FN1: variants seen among roughly 807,000 people sequenced by gnomAD.
FN1 encodes fibronectin 1, also known as fibronectin.
A neutral mutation model predicts 297.3 loss-of-function variants in FN1; 106 were observed. The observed-to-expected ratio is 0.36, with a 90% confidence interval of 0.30 to 0.42. The LOEUF (loss-of-function observed/expected upper bound fraction) is 0.42. Ranked by LOEUF, FN1 falls within the 10% of genes least tolerant of loss-of-function variation. The pLI, the probability that FN1 is intolerant of heterozygous loss-of-function variation, is 1.00. For missense variants in FN1, 2,690 were observed against 3,124.9 expected (o/e 0.86, Z 3.32); for synonymous variants, 1,149 against 1,152.6 (o/e 1.00, Z 0.06).
intron 25 of FN1, 72 bp downstream of exon 25, chr2:215,392,859 A>G (rs2106088770): frequency 6.4e-7 from 1 of 1,550,808 alleles, no homozygotes. Flanking sequence ...AAACATCCAT[A>G]TTTAACCGGA....
intron 8 of FN1, 78 bp downstream of exon 8, chr2:215,424,068 G>A (rs1349142562): frequency 1.4e-6 from 2 of 1,431,204 alleles, no homozygotes; most frequent in Non-Finnish European, 2.0e-6. Flanking sequence ...AAAATAAATG[G>A]CTAGAATGCT....
At position 215,391,742 on chromosome 2, in the gene FN1, G is replaced by T; in HGVS notation, c.4142C>A (p.Pro1381His). Residue 1381 changes from proline (P) to histidine (H), a missense_variant, in exon 26 of 46, where the codon CCC (proline) becomes CAC (histidine). By Grantham distance (77) the Pro-to-His change is moderately conservative. This residue lies in a region of FN1 where 1,743 missense variants were observed against 1,945.2 expected (regional missense o/e 0.90). Transcript: ENST00000354785. Reference protein sequence around the residue: ...PDTMRVTWAPPPSIDLTNFLV... With the variant: ...PDTMRVTWAPHPSIDLTNFLV... ...GAAGTTGGTTAAATCAATGGATGGG[G>T]GTGGAGCCCAGGTGACACGCATGGT... is the stretch of plus-strand genomic sequence containing the variant. 6.2e-7 allele frequency: 1 copy of T among 1,614,126 alleles called. No homozygotes were observed. The highest frequency in any genetic ancestry group is 8.5e-7 in the Non-Finnish European group (1 of 1,179,984).
chr2:215,414,903 G>A lies in FN1; in HGVS notation c.1875C>T (p.Ser625=), dbSNP rs781546361. The A allele has an allele frequency of 6.2e-7, 1 of 1,613,768 alleles. No individual in the cohort carries two copies. Among genetic ancestry groups the A allele is most frequent in the Non-Finnish European group, 8.5e-7 (1 of 1,179,864 alleles). Reference sequence around the variant, plus strand: ...GTGGTGCATTCCACTGGATGGGGTGGGAGTTGGGCTGACTCGGAGTCTCAG... The same window carrying A: ...GTGGTGCATTCCACTGGATGGGGTGAGAGTTGGGCTGACTCGGAGTCTCAG... ...FITETPSQPN[S]HPIQWNAPQP... Residue 625 remains serine (S), a synonymous_variant, in exon 13 of 46, where the codon TCC becomes TCT. Coordinates refer to ENST00000354785, the MANE Select transcript of FN1 (RefSeq NM_212482.4).
At chr2:215,379,902 C>A in intron 33 of FN1, 1 of 154,602 alleles carries the variant, frequency 6.5e-6, no homozygotes. Flanking sequence ...CACTTCATTG[C>A]CCAGGCTGAT....
In FN1 at chr2:215,433,824, G is replaced by A. The variant is rs570121407; in HGVS notation, c.278-363C>T. Among the ~76,000 whole-genome samples, 6 of 152,350 alleles carry A rather than the reference G, an allele frequency of 3.9e-5. No individual in the cohort carries two copies. In the East Asian group the frequency reaches 7.7e-4, roughly 20 times the overall value. Reference sequence around the variant, plus strand: ...TCACATAAAAAGCAAACGATTGGCCGGGCACAGTGGCTCACGCCTGTAATC... The same window carrying A: ...TCACATAAAAAGCAAACGATTGGCCAGGCACAGTGGCTCACGCCTGTAATC... On this transcript the variant is annotated intron_variant, in intron 2 of 45. Transcript: ENST00000354785.
At chr2:215,399,853 A>G (rs1365074655) in intron 20 of FN1, among the ~76,000 whole-genome samples, 1 of 152,170 alleles carries the variant, frequency 6.6e-6, no homozygotes, top group Non-Finnish European at 1.5e-5. Flanking sequence ...TTAACCATTA[A>G]TTTAAGAACA....
chr2:215,414,229 C>T (rs1383886579), intron 13 of FN1, among the ~76,000 whole-genome samples: 2 of 152,102 alleles, frequency 1.3e-5, no homozygotes, highest in African/African-American at 4.8e-5. Flanking sequence ...CAATATCCTC[C>T]TTATTTGGTT....
chr2:215,383,613 G>T (rs1412175873), intron 30 of FN1, 130 bp from the exon 31 acceptor site: 2 of 985,198 alleles, frequency 2.0e-6, no homozygotes, highest in African/African-American at 3.2e-5. Context: ...CTTCTCGAAA[G>T]AATACAGAGA....
Position 215,372,093 on chromosome 2 carries a change from A to G in FN1, c.6530T>C (p.Ile2177Thr). ...TACATCTTCCCTGGGGATGTGACCA[A>G]TTTGGATTTCCTCACCTACATTCGG... Reference protein sequence around the residue: ...YPPNVGEEIQIGHIPREDVDY... With the variant: ...YPPNVGEEIQTGHIPREDVDY... The change falls in exon 40 of 46, where the codon ATT (isoleucine) becomes ACT (threonine). Residue 2177 changes from isoleucine to threonine, a missense_variant. Around this residue, in one of 3 missense-constraint regions of FN1, gnomAD observed 1,743 missense variants for 1,945.2 expected, o/e 0.90. Transcript: ENST00000354785. 6.2e-7 allele frequency: 1 copy of G among 1,614,202 alleles called. No individual in the cohort carries two copies. Among genetic ancestry groups the G allele is most frequent in the Non-Finnish European group, 8.5e-7 (1 of 1,180,018 alleles).
intron 31 of FN1, 82 bp downstream of exon 31, chr2:215,383,246 G>T: frequency 7.3e-7 from 1 of 1,376,596 alleles, no homozygotes; most frequent in South Asian, 1.2e-5. Context: ...AACCTCAAGT[G>T]ATCTGCCCGC....
intron 15 of FN1, 49 bp downstream of exon 15, chr2:215,409,514 T>G: frequency 6.3e-7 from 1 of 1,589,326 alleles, no homozygotes; most frequent in Non-Finnish European, 8.6e-7. Context: ...ACAAGGAGAG[T>G]TTTCCAGCAG....
At chr2:215,424,438 CTA>C (rs1343926931) in intron 7 of FN1, 113 bp from the exon 8 acceptor site, 2 of 827,208 alleles carry the variant, frequency 2.4e-6, no homozygotes, top group African/African-American at 1.7e-5. Context: ...AAGGAAGAAG[CTA>C]TGAGTATAGA....
intron 32 of FN1, 55 bp from the exon 33 acceptor site, chr2:215,381,135 C>A: frequency 6.4e-7 from 1 of 1,573,324 alleles, no homozygotes; most frequent in Non-Finnish European, 8.7e-7. Flanking sequence ...GTGAAATAAG[C>A]ATTTTTATAA....
chr2:215,414,668 ACAAGT>A, intron 13 of FN1, 164 bp downstream of exon 13: 9 of 1,402,286 alleles, frequency 6.4e-6, no homozygotes, highest in Non-Finnish European at 8.4e-6. Flanking sequence ...CCCTCAGTCT[ACAAGT>A]CAATTTAATT....
intron 17 of FN1, 50 bp downstream of exon 17, chr2:215,408,058 G>C (rs1208571725): frequency 1.4e-6 from 2 of 1,420,592 alleles, no homozygotes; most frequent in Non-Finnish European, 2.0e-6. Context: ...CCTCCCTGCT[G>C]ATGTCATTAA....
At chr2:215,388,180 T>C (rs757753271) in intron 27 of FN1, 32 bp downstream of exon 27, 3 of 1,465,990 alleles carry the variant, frequency 2.0e-6, no homozygotes, top group African/African-American at 2.8e-5. Context: ...AGGCAAAAGC[T>C]ACTGGATAGT....
intron 37 of FN1, 56 bp from the exon 38 acceptor site, chr2:215,375,449 C>G: frequency 6.6e-7 from 1 of 1,513,308 alleles, no homozygotes; most frequent in Non-Finnish European, 9.1e-7. Context: ...AAAATTACTC[C>G]CACACTTTTC....
intron 5 of FN1, among the ~76,000 whole-genome samples, chr2:215,429,953 T>C (rs574473746): frequency 3.3e-5 from 5 of 152,312 alleles, no homozygotes; most frequent in African/African-American, 9.6e-5. Flanking sequence ...CACAGTAACA[T>C]TTTAAATGCA....
At chr2:215,365,059 T>G in intron 43 of FN1, 74 bp from the exon 44 acceptor site, 2 of 949,794 alleles carry the variant, frequency 2.1e-6, no homozygotes, top group Non-Finnish European at 3.3e-6. Flanking sequence ...GGGTGGGTTC[T>G]ATTTCTGTCC....
Sources: gnomAD v4.1 joint callset for allele counts (sites outside exome capture counted in the v4.1 genomes callset) on GRCh38, gnomAD v4.1.1 for gene constraint, gnomAD v4.1.1 regional missense constraint, MANE v1.5 for transcripts, NCBI Gene and HGNC (gene_info 2026-07-23, HGNC 2026-07-21) for gene names.